Variants in KLF8 observed in about 807,000 individuals in gnomAD.
KLF8 encodes the protein Krueppel-like factor 8.
Under a neutral mutation model 18.2 loss-of-function variants are expected in KLF8, and 10 were observed. The ratio of observed to expected loss-of-function variants is 0.55; its 90% CI spans 0.34 to 0.93. KLF8 has a LOEUF of 0.93. Among genes scored for constraint, KLF8 ranks in the 40% least tolerant of loss-of-function variants. The pLI, the probability that KLF8 is intolerant of heterozygous loss-of-function variation, is 0.02. For synonymous variants in KLF8, 109 were observed against 97.3 expected (o/e 1.12, Z -0.71); for missense variants, 264 against 277.9 (o/e 0.95, Z 0.36).
At chrX:56,167,923 C>T in the KLF8 span, among the ~76,000 whole-genome samples, 1 of 111,401 alleles carries the variant, frequency 9.0e-6, no homozygotes, top group African/African-American at 3.3e-5. Flanking sequence ...ATTTCCATCC[C>T]ATATTCAGAT....
the KLF8 span, among the ~76,000 whole-genome samples, chrX:56,213,289 C>G: frequency 1.1e-3 from 27 of 24,640 alleles, no homozygotes; most frequent in East Asian, 2.8e-3. Context: ...GTTTTCTTTT[C>G]TTTTCTTTTC....
the KLF8 span, among the ~76,000 whole-genome samples, chrX:56,145,937 T>A: frequency 8.9e-6 from 1 of 111,751 alleles, no homozygotes; most frequent in Non-Finnish European, 1.9e-5. Context: ...AAGACATTTA[T>A]GCAGCCGACA....
At chrX:55,942,284 G>A in the KLF8 span, among the ~76,000 whole-genome samples, 82 of 109,289 alleles carry the variant, frequency 7.5e-4, no homozygotes, top group African/African-American at 2.4e-3. Context: ...ACCAAACACC[G>A]CATTTTCTTA....
the KLF8 span, among the ~76,000 whole-genome samples, chrX:55,999,285 A>ATTTTTTTTTTTTTTTTTTTTTTT: frequency 5.9e-3 from 195 of 33,272 alleles, 36 homozygotes; most frequent in Non-Finnish European, 8.6e-3. Flanking sequence ...ATGCCTCCAG[A>ATTTTTTTTTTTTTTTTTTTTTTT]TTTTTTTTTT....
At chrX:56,050,476 C>T in the KLF8 span, among the ~76,000 whole-genome samples, 38 of 112,005 alleles carry the variant, frequency 3.4e-4, no homozygotes, top group East Asian at 7.3e-3. Context: ...TGTCTTTGTT[C>T]TCATTGGTTA....
the KLF8 span, among the ~76,000 whole-genome samples, chrX:55,997,796 C>T: frequency 1.8e-5 from 2 of 111,716 alleles, no homozygotes; most frequent in Non-Finnish European, 3.8e-5. Flanking sequence ...CCCTCCACAC[C>T]TGTGGGTGTT....
chrX:56,035,055 G>A, the KLF8 span, among the ~76,000 whole-genome samples: 89 of 111,725 alleles, frequency 8.0e-4, no homozygotes, highest in Non-Finnish European at 1.4e-3. Context: ...GCGCCCGGCC[G>A]AACTTATTTC....
At chrX:56,095,779 A>G in the KLF8 span, among the ~76,000 whole-genome samples, 1 of 111,578 alleles carries the variant, frequency 9.0e-6, no homozygotes, top group Admixed American at 9.5e-5. Flanking sequence ...CAGGATGGCT[A>G]TCATTAAAAA....
At chrX:56,080,759 C>T in the KLF8 span, among the ~76,000 whole-genome samples, 1 of 111,768 alleles carries the variant, frequency 8.9e-6, no homozygotes, top group Non-Finnish European at 1.9e-5. Flanking sequence ...AACTTGGTTC[C>T]ATTCTCCCCA....
chrX:56,283,631 A>G (rs1326086734), intron 5 of KLF8, among the ~76,000 whole-genome samples: 2 of 111,671 alleles, frequency 1.8e-5, no homozygotes, highest in East Asian at 5.6e-4. Flanking sequence ...TCTGCCTCTC[A>G]AAGTGCTGGG....
chrX:56,184,812 G>T, the KLF8 span, among the ~76,000 whole-genome samples: 1 of 112,243 alleles, frequency 8.9e-6, no homozygotes, highest in Non-Finnish European at 1.9e-5. Context: ...GCAGCTGAGG[G>T]TCCTGTCTGT....
chrX:56,192,668 G>C, the KLF8 span, among the ~76,000 whole-genome samples: 1 of 112,071 alleles, frequency 8.9e-6, no homozygotes, highest in East Asian at 2.8e-4. Context: ...CATATCTACA[G>C]TGAAGTCATT....
chrX:56,217,311 T>C, the KLF8 span, among the ~76,000 whole-genome samples: 4 of 112,030 alleles, frequency 3.6e-5, no homozygotes, highest in African/African-American at 1.3e-4. Flanking sequence ...GTTTTCCTGA[T>C]AGAACCAAAT....
the KLF8 span, among the ~76,000 whole-genome samples, chrX:56,046,963 A>G: frequency 9.0e-6 from 1 of 111,614 alleles, no homozygotes; most frequent in African/African-American, 3.2e-5. Flanking sequence ...ATGTTTTCCA[A>G]ACTTTTAGAT....
the KLF8 span, among the ~76,000 whole-genome samples, chrX:55,948,362 A>G: frequency 8.9e-6 from 1 of 111,833 alleles, no homozygotes; most frequent in African/African-American, 3.3e-5. Flanking sequence ...TTCCAATAGT[A>G]CTTTATTTCT....
At chrX:55,964,987 A>G in the KLF8 span, among the ~76,000 whole-genome samples, 1 of 111,679 alleles carries the variant, frequency 9.0e-6, no homozygotes, top group South Asian at 3.8e-4. Flanking sequence ...TATTTAAAAG[A>G]CCTGGTACCA....
At chrX:55,923,463 G>T in the KLF8 span, among the ~76,000 whole-genome samples, 1 of 110,973 alleles carries the variant, frequency 9.0e-6, no homozygotes, top group East Asian at 2.8e-4. Flanking sequence ...TAAGAAGCCT[G>T]CATGTCCTGC....
chrX:55,991,255 T>C, the KLF8 span, among the ~76,000 whole-genome samples: 1 of 112,117 alleles, frequency 8.9e-6, no homozygotes, highest in Non-Finnish European at 1.9e-5. Flanking sequence ...GATGTCAGAC[T>C]GCTGTGCTAG....
At chrX:56,136,755 G>T in the KLF8 span, among the ~76,000 whole-genome samples, 1 of 110,797 alleles carries the variant, frequency 9.0e-6, no homozygotes, top group Non-Finnish European at 1.9e-5. Context: ...TTGACAAATG[G>T]GATCTAATTA....
Sources: gnomAD v4.1 joint callset for allele counts (sites outside exome capture counted in the v4.1 genomes callset) on GRCh38, gnomAD v4.1.1 for gene constraint, MANE v1.5 for transcripts, NCBI Gene and HGNC (gene_info 2026-07-23, HGNC 2026-07-21) for gene names.